Variants in LRRC31 observed in about 807,000 individuals in gnomAD.
The protein encoded by LRRC31 is leucine-rich repeat-containing protein 31.
LRRC31 carries 35 observed loss-of-function variants against 46.7 expected under a neutral mutation model. The ratio of observed to expected loss-of-function variants is 0.75; its 90% CI spans 0.57 to 0.99. LRRC31 has a LOEUF of 0.99. Among genes scored for constraint, LRRC31 ranks in the 50% least tolerant of loss-of-function variants. LRRC31 has a pLI of 0.00. For missense variants in LRRC31, 613 were observed against 626.1 expected (o/e 0.98, Z 0.22); for synonymous variants, 236 against 235.1 (o/e 1.00, Z -0.03).
At chr3:169,854,375 G>A (rs767234861) in intron 6 of LRRC31, among the ~76,000 whole-genome samples, 4 of 152,278 alleles carry the variant, frequency 2.6e-5, no homozygotes, top group South Asian at 2.1e-4. Flanking sequence ...AAGCAGTAAC[G>A]TACAGCCATC....
chr3:169,856,068 A>C (rs1780930725), intron 5 of LRRC31, among the ~76,000 whole-genome samples: 1 of 151,822 alleles, frequency 6.6e-6, no homozygotes, highest in South Asian at 2.1e-4. Context: ...TTTTTAGTAG[A>C]GATGGGGTTT....
At chr3:169,845,544 T>C (rs1204197151) in intron 8 of LRRC31, among the ~76,000 whole-genome samples, 2 of 152,204 alleles carry the variant, frequency 1.3e-5, no homozygotes, top group Non-Finnish European at 2.9e-5. Flanking sequence ...AGACCAGAAG[T>C]AGGCCATCAC....
At chr3:169,841,874 G>A (rs1261595561) in intron 8 of LRRC31, among the ~76,000 whole-genome samples, 9 of 151,774 alleles carry the variant, frequency 5.9e-5, no homozygotes, top group East Asian at 1.9e-4. Context: ...GTGAAACCCC[G>A]TCTCTACTAA....
intron 1 of LRRC31, 80 bp from the exon 2 acceptor site, chr3:169,861,893 G>T: frequency 7.1e-7 from 1 of 1,400,792 alleles, no homozygotes; most frequent in Non-Finnish European, 9.9e-7. Flanking sequence ...TCAGACAAGT[G>T]AAAAGACTGC....
intron 1 of LRRC31, among the ~76,000 whole-genome samples, chr3:169,867,047 G>GTTTT (rs1560636105): frequency 3.2e-5 from 3 of 92,646 alleles, no homozygotes; most frequent in African/African-American, 9.5e-5. Context: ...GGTTTTTTTT[G>GTTTT]TTTGTTTGTT....
At chr3:169,843,664 G>A (rs1279596359) in intron 8 of LRRC31, among the ~76,000 whole-genome samples, 2 of 152,150 alleles carry the variant, frequency 1.3e-5, no homozygotes, top group African/African-American at 4.8e-5. Flanking sequence ...CATGGATATT[G>A]TTTTAATCCA....
intron 1 of LRRC31, among the ~76,000 whole-genome samples, chr3:169,863,618 T>C (rs1350085115): frequency 6.6e-6 from 1 of 152,244 alleles, no homozygotes; most frequent in African/African-American, 2.4e-5. Flanking sequence ...GGCAGCAGCA[T>C]CCACCATTTA....
intron 6 of LRRC31, among the ~76,000 whole-genome samples, chr3:169,854,052 A>G (rs781765024): frequency 6.6e-6 from 1 of 152,238 alleles, no homozygotes; most frequent in Admixed American, 6.5e-5. Flanking sequence ...CAGCAAGGGC[A>G]GTGGCCAGGG....
intron 6 of LRRC31, 127 bp downstream of exon 6, chr3:169,854,686 G>A (rs1005177636): frequency 2.7e-6 from 2 of 734,942 alleles, no homozygotes; most frequent in Admixed American, 2.3e-5. Flanking sequence ...TCACAGAACT[G>A]TTATGAATTG....
chr3:169,840,171 A>T lies in LRRC31; in HGVS notation c.1470T>A (p.Leu490=), dbSNP rs755498318. Residue 490 remains leucine, a synonymous_variant, in exon 9 of 9, where the codon CTT becomes CTA. Coordinates refer to ENST00000316428, the MANE Select transcript of LRRC31 (RefSeq NM_024727.4). ...CACAATCTCGAAAATTTGATGGTCG[A>T]AGGCTAATATCCAGCTCGATTAGCT... is the stretch of plus-strand genomic sequence containing the variant. ...LKELIELDIS[L]RPSNFRDCGQ... 1.9e-6 allele frequency: 3 copies of T among 1,614,182 alleles called. No homozygotes were observed. Among genetic ancestry groups the T allele is most frequent in the Non-Finnish European group, 2.5e-6 (3 of 1,180,042 alleles).
chr3:169,851,822 C>A (rs1327161576), intron 6 of LRRC31, 36 bp from the exon 7 acceptor site: 1 of 1,604,056 alleles, frequency 6.2e-7, no homozygotes, highest in Non-Finnish European at 8.5e-7. Context: ...GTTTTAGGCA[C>A]CATCTCACAG....
At chr3:169,867,071 T>TTTTTTTTTTTTG in intron 1 of LRRC31, among the ~76,000 whole-genome samples, 2 of 139,804 alleles carry the variant, frequency 1.4e-5, no homozygotes, top group African/African-American at 6.0e-5. Context: ...TTTTTTTTTT[T>TTTTTTTTTTTTG]TGAGGGTCTT....
intron 1 of LRRC31, among the ~76,000 whole-genome samples, chr3:169,863,926 G>A (rs13316437): frequency 1.3e-5 from 2 of 151,796 alleles, no homozygotes; most frequent in Non-Finnish European, 1.5e-5. Flanking sequence ...TCATAGATTT[G>A]GAAACTTAGA....
chr3:169,868,029 G>C (rs890420984), intron 1 of LRRC31, among the ~76,000 whole-genome samples: 4 of 152,226 alleles, frequency 2.6e-5, no homozygotes, highest in African/African-American at 9.6e-5. Context: ...GCATCATGTA[G>C]CAATGTGGGA....
chr3:169,858,326 C>A (rs1403778839), intron 3 of LRRC31, among the ~76,000 whole-genome samples: 1 of 152,110 alleles, frequency 6.6e-6, no homozygotes, highest in African/African-American at 2.4e-5. Flanking sequence ...GGTCCCAGGG[C>A]AGAAATTTCA....
intron 8 of LRRC31, among the ~76,000 whole-genome samples, chr3:169,842,631 G>A (rs149339327): frequency 0.016 from 2,363 of 152,198 alleles, 63 homozygotes; most frequent in African/African-American, 0.054. Flanking sequence ...GATTACAGGC[G>A]TGAGCCACCA....
At chr3:169,862,183 G>A (rs1920116) in intron 1 of LRRC31, among the ~76,000 whole-genome samples, 39,526 of 152,104 alleles carry the variant, frequency 0.26, 6,043 homozygotes, top group East Asian at 0.6. Context: ...CTGCTAGGGA[G>A]GAAGCAGAGA....
intron 3 of LRRC31, among the ~76,000 whole-genome samples, chr3:169,859,788 C>G (rs1221747257): frequency 1.3e-5 from 2 of 152,138 alleles, no homozygotes; most frequent in African/African-American, 4.8e-5. Flanking sequence ...TACTCTAACT[C>G]CTCTATTTTA....
At chr3:169,842,444 G>A (rs554869076) in intron 8 of LRRC31, among the ~76,000 whole-genome samples, 2 of 152,114 alleles carry the variant, frequency 1.3e-5, no homozygotes, top group African/African-American at 2.4e-5. Flanking sequence ...TCCATCTCCC[G>A]GGTTCAAGTG....
Sources: allele counts gnomAD v4.1 joint callset (sites outside exome capture counted in the v4.1 genomes callset), GRCh38; gene constraint gnomAD v4.1.1; transcripts MANE v1.5; gene names NCBI Gene and HGNC (gene_info 2026-07-23, HGNC 2026-07-21).